GALNTL6: variants seen among roughly 807,000 people sequenced by gnomAD.
GALNTL6 encodes the protein polypeptide N-acetylgalactosaminyltransferase-like 6.
A neutral mutation model predicts 73.7 loss-of-function variants in GALNTL6; 46 were observed. That is an observed-to-expected ratio of 0.62 (90% CI 0.49 to 0.80). The LOEUF (loss-of-function observed/expected upper bound fraction) is 0.80. Ranked by LOEUF, GALNTL6 falls within the 30% of genes least tolerant of loss-of-function variation. The probability of loss-of-function intolerance (pLI) is 0.00; values close to 1 mark genes in which losing one functional copy is unlikely to be tolerated. For missense variants in GALNTL6, 604 were observed against 755.0 expected (o/e 0.80, Z 2.34); for synonymous variants, 259 against 263.7 (o/e 0.98, Z 0.17).
At chr4:172,275,409 G>A (rs1738793217) in intron 3 of GALNTL6, among the ~76,000 whole-genome samples, 1 of 152,106 alleles carries the variant, frequency 6.6e-6, no homozygotes. Flanking sequence ...TTGAATTCTG[G>A]TTCATTCACT....
chr4:172,849,281 C>T (rs1481003194), intron 7 of GALNTL6, among the ~76,000 whole-genome samples: 3 of 152,124 alleles, frequency 2.0e-5, no homozygotes, highest in Non-Finnish European at 4.4e-5. Context: ...CACATTAATT[C>T]TCAGGATATT....
chr4:172,027,239 A>C (rs1413870384), intron 2 of GALNTL6, among the ~76,000 whole-genome samples: 7 of 152,110 alleles, frequency 4.6e-5, no homozygotes, highest in Admixed American at 4.6e-4. Flanking sequence ...TGGTTGTTAC[A>C]AATTGAAGGT....
chr4:172,584,384 CAAA>C (rs1316900095), intron 5 of GALNTL6, among the ~76,000 whole-genome samples: 9 of 151,840 alleles, frequency 5.9e-5, no homozygotes, highest in African/African-American at 2.2e-4. Flanking sequence ...TATTTAAAAA[CAAA>C]ACAAAAAATA....
intron 5 of GALNTL6, among the ~76,000 whole-genome samples, chr4:172,714,440 T>C (rs1734931507): frequency 6.6e-6 from 1 of 152,044 alleles, no homozygotes; most frequent in African/African-American, 2.4e-5. Flanking sequence ...ATCATAATGA[T>C]CGTAATACCT....
chr4:173,018,125 T>C (rs1178219315), intron 11 of GALNTL6, among the ~76,000 whole-genome samples: 1 of 152,214 alleles, frequency 6.6e-6, no homozygotes, highest in Non-Finnish European at 1.5e-5. Context: ...AGACCACTTG[T>C]TCCTGCATTG....
At chr4:172,185,432 C>A (rs1165808179) in intron 2 of GALNTL6, among the ~76,000 whole-genome samples, 1 of 152,168 alleles carries the variant, frequency 6.6e-6, no homozygotes, top group Non-Finnish European at 1.5e-5. Context: ...AGCATAAGAT[C>A]TGCAACACAT....
chr4:172,502,523 G>A (rs985358833), intron 5 of GALNTL6, among the ~76,000 whole-genome samples: 2 of 152,132 alleles, frequency 1.3e-5, no homozygotes, highest in Admixed American at 1.3e-4. Flanking sequence ...TGATGAAACA[G>A]ATTGGAAGTA....
intron 5 of GALNTL6, among the ~76,000 whole-genome samples, chr4:172,451,739 C>A (rs377492997): frequency 6.6e-6 from 1 of 152,218 alleles, no homozygotes; most frequent in East Asian, 1.9e-4. Context: ...GGTGCAGTGG[C>A]GCATGCCTGT....
intron 2 of GALNTL6, among the ~76,000 whole-genome samples, chr4:172,229,153 A>G (rs149327015): frequency 3.2e-4 from 48 of 152,340 alleles, no homozygotes; most frequent in African/African-American, 1.1e-3. Flanking sequence ...AGGCTATCAT[A>G]AAGATTAAAC....
chr4:171,920,988 TA>T (rs1201634648), intron 2 of GALNTL6, among the ~76,000 whole-genome samples: 1 of 152,132 alleles, frequency 6.6e-6, no homozygotes, highest in Non-Finnish European at 1.5e-5. Flanking sequence ...TAATTTAAGG[TA>T]TTGTGTATTT....
intron 5 of GALNTL6, among the ~76,000 whole-genome samples, chr4:172,729,607 G>A (rs1736032169): frequency 6.6e-6 from 1 of 152,058 alleles, no homozygotes; most frequent in African/African-American, 2.4e-5. Flanking sequence ...CTATTTTTAT[G>A]TGAGTACCAT....
At chr4:172,365,092 AT>A (rs1158830301) in intron 5 of GALNTL6, among the ~76,000 whole-genome samples, 2 of 152,236 alleles carry the variant, frequency 1.3e-5, no homozygotes, top group African/African-American at 4.8e-5. Flanking sequence ...ATTTTGGAGA[AT>A]AAATCTGAGA....
intron 2 of GALNTL6, among the ~76,000 whole-genome samples, chr4:172,037,345 T>TA (rs750344977): frequency 3.3e-5 from 5 of 152,144 alleles, no homozygotes; most frequent in Non-Finnish European, 5.9e-5. Flanking sequence ...GCAATCCTCT[T>TA]ACATTTTCCT....
chr4:172,871,902 G>A (rs1391585930), intron 7 of GALNTL6, among the ~76,000 whole-genome samples: 1 of 152,036 alleles, frequency 6.6e-6, no homozygotes, highest in Non-Finnish European at 1.5e-5. Context: ...TCCCACCTCA[G>A]CCTCCCGATT....
chr4:172,494,895 A>C (rs1734018798), intron 5 of GALNTL6, among the ~76,000 whole-genome samples: 1 of 152,142 alleles, frequency 6.6e-6, no homozygotes, highest in Non-Finnish European at 1.5e-5. Context: ...ACTGACTCAA[A>C]TGTTAGTCTC....
At chr4:172,252,180 A>G (rs1014228939) in intron 3 of GALNTL6, among the ~76,000 whole-genome samples, 5 of 152,202 alleles carry the variant, frequency 3.3e-5, no homozygotes, top group African/African-American at 1.2e-4. Flanking sequence ...ATTTCAGTCC[A>G]AAGGTTGAAA....
chr4:172,608,252 T>C (rs1412029874), intron 5 of GALNTL6, among the ~76,000 whole-genome samples: 1 of 152,186 alleles, frequency 6.6e-6, no homozygotes. Flanking sequence ...TCTTGGACTT[T>C]TTATGATTTT....
At chr4:171,945,873 C>T (rs955369261) in intron 2 of GALNTL6, among the ~76,000 whole-genome samples, 5 of 151,968 alleles carry the variant, frequency 3.3e-5, no homozygotes, top group Non-Finnish European at 1.5e-5. Flanking sequence ...CTTGTTCTTT[C>T]AATTATAGTC....
chr4:172,008,535 A>G (rs1383803879), intron 2 of GALNTL6, among the ~76,000 whole-genome samples: 1 of 151,926 alleles, frequency 6.6e-6, no homozygotes, highest in Non-Finnish European at 1.5e-5. Flanking sequence ...AAACTTAGCC[A>G]CTTACTCCAA....
Sources: gnomAD v4.1 joint callset for allele counts (sites outside exome capture counted in the v4.1 genomes callset) on GRCh38, gnomAD v4.1.1 for gene constraint, MANE v1.5 for transcripts, NCBI Gene and HGNC (gene_info 2026-07-23, HGNC 2026-07-21) for gene names.